DROSHA: variants seen among roughly 807,000 people sequenced by gnomAD.
DROSHA encodes drosha ribonuclease III.
In DROSHA, 56 loss-of-function variants were observed where a neutral mutation model predicts 181.9. The observed-to-expected ratio is 0.31, with a 90% CI of 0.25 to 0.38. DROSHA has a LOEUF of 0.38. DROSHA is among the 10% of genes least tolerant of loss of function. The pLI is 1.00. For missense variants in DROSHA, 1,218 were observed against 1,743.5 expected, an observed-to-expected ratio of 0.70 and a Z score of 5.37; for synonymous variants, 524 against 591.2, an observed-to-expected ratio of 0.89 and a Z score of 1.65.
In DROSHA at chr5:31,443,042, AT is replaced by A. The variant is rs558352739; in HGVS notation, c.2882+5504del. 0.014 allele frequency among the ~76,000 whole-genome samples: 2,023 copies of A among 142,792 alleles called. 90 individuals carry two copies. In the East Asian group the frequency reaches 0.2, roughly 14 times the overall value. 93.7% of individuals were successfully genotyped at this position (142,792 alleles called of 152,430 possible). A position where few individuals can be genotyped will look rare whatever the true frequency, so the allele number is the denominator to read the frequency against. On this transcript the variant is annotated intron_variant, in intron 23 of 35. Coordinates refer to ENST00000344624, the MANE Select transcript of DROSHA (RefSeq NM_001382508.1). ...ATATGTGTCTCTGTTGGTCCGATAG[AT>A]TTTTTTTTTTTTTTGAGACAGAGTC...
At chr5:31,467,886 G>A in intron 18 of DROSHA, 53 bp downstream of exon 18, 1 of 1,590,600 alleles carries the variant, frequency 6.3e-7, no homozygotes, top group Non-Finnish European at 8.6e-7. Flanking sequence ...CTGCTAATTT[G>A]GCTGTTAGTA....
chr5:31,521,046 G>C, intron 6 of DROSHA, 77 bp downstream of exon 6: 2 of 1,437,436 alleles, frequency 1.4e-6, no homozygotes, highest in South Asian at 1.2e-5. Flanking sequence ...AGACTTGGCT[G>C]TTGCTCCATA....
chr5:31,485,460 T>C (rs1229566853), intron 14 of DROSHA, among the ~76,000 whole-genome samples: 1 of 151,746 alleles, frequency 6.6e-6, no homozygotes. Context: ...TGCACCAAAA[T>C]TTCTCCTGTA....
At chr5:31,489,134 T>G (rs2150040441) in intron 13 of DROSHA, 1 of 152,292 alleles carries the variant, frequency 6.6e-6, no homozygotes, top group Middle Eastern at 3.4e-3. Context: ...CAGCTATTAA[T>G]ATTGATCTGG....
At chr5:31,473,627 G>GT (rs1750011398) in intron 16 of DROSHA, among the ~76,000 whole-genome samples, 1 of 152,204 alleles carries the variant, frequency 6.6e-6, no homozygotes, top group African/African-American at 2.4e-5. Flanking sequence ...TCAGGTTGAG[G>GT]TGAGTGCTAC....
intron 23 of DROSHA, among the ~76,000 whole-genome samples, chr5:31,441,649 A>G (rs183252161): frequency 5.7e-4 from 87 of 152,344 alleles, no homozygotes; most frequent in African/African-American, 2.0e-3. Flanking sequence ...CTTGGAGAAA[A>G]CATCAAGGAA....
chr5:31,410,625 T>G (rs1237558550), intron 31 of DROSHA, 121 bp downstream of exon 31: 20 of 1,398,242 alleles, frequency 1.4e-5, no homozygotes, highest in Non-Finnish European at 1.8e-5. Context: ...GCATAAAAAA[T>G]TAAAATAGCA....
intron 16 of DROSHA, among the ~76,000 whole-genome samples, chr5:31,478,529 T>A (rs530759929): frequency 2.0e-5 from 3 of 152,096 alleles, no homozygotes; most frequent in South Asian, 2.1e-4. Flanking sequence ...AGGTCAGGAG[T>A]TCGAGACCAG....
chr5:31,431,385 AAAAAG>A (rs374252157), intron 26 of DROSHA, among the ~76,000 whole-genome samples, 186 bp downstream of exon 26: 6 of 151,020 alleles, frequency 4.0e-5, no homozygotes, highest in African/African-American at 1.5e-4. Flanking sequence ...AAAAAAAAAA[AAAAAG>A]AGGCATGTTC....
chr5:31,408,375 T>G (rs1453314156), intron 33 of DROSHA, among the ~76,000 whole-genome samples: 1 of 152,220 alleles, frequency 6.6e-6, no homozygotes, highest in Non-Finnish European at 1.5e-5. Flanking sequence ...TCCTTTCATT[T>G]TGTAATTCCA....
At chr5:31,461,906 G>C (rs765353746) in intron 20 of DROSHA, among the ~76,000 whole-genome samples, 2 of 151,738 alleles carry the variant, frequency 1.3e-5, no homozygotes, top group East Asian at 1.9e-4. Flanking sequence ...ATTCACTGAT[G>C]GTGAAATAAT....
At chr5:31,481,933 G>C (rs1433720572) in intron 16 of DROSHA, among the ~76,000 whole-genome samples, 2 of 152,202 alleles carry the variant, frequency 1.3e-5, no homozygotes, top group Non-Finnish European at 2.9e-5. Flanking sequence ...CAGTGGGCTA[G>C]GGACAGTTAG....
intron 4 of DROSHA, among the ~76,000 whole-genome samples, chr5:31,527,941 T>G (rs1740793366): frequency 1.3e-5 from 2 of 152,116 alleles, no homozygotes; most frequent in South Asian, 4.2e-4. Context: ...AAACCAAAGG[T>G]CATTTTCAAT....
At chr5:31,415,552 C>T (rs576816224) in intron 30 of DROSHA, among the ~76,000 whole-genome samples, 2 of 152,304 alleles carry the variant, frequency 1.3e-5, no homozygotes, top group South Asian at 4.1e-4. Flanking sequence ...TGTGTGGAAG[C>T]ATCAGGGCAG....
chr5:31,517,539 T>C (rs1168314447), intron 6 of DROSHA, among the ~76,000 whole-genome samples: 2 of 152,332 alleles, frequency 1.3e-5, no homozygotes, highest in East Asian at 3.9e-4. Flanking sequence ...AAAAACATAT[T>C]CTTTATCACA....
Position 31,508,885 on chromosome 5 carries a change from C to T in DROSHA, c.1433-110G>A, listed in dbSNP as rs555412197. 8.6e-4 allele frequency: 1,074 copies of T among 1,244,264 alleles called. 4 individuals are homozygous for T. The highest frequency in any genetic ancestry group is 1.6e-3 in the Middle Eastern group (7 of 4,412). 77.1% of individuals were successfully genotyped at this position (1,244,264 alleles called of 1,614,324 possible). A position where few individuals can be genotyped will look rare whatever the true frequency, so the allele number is the denominator to read the frequency against. Reference sequence around the variant, plus strand: ...GTCACCCAGGCTGGAGTGCAGTGCGCGATCTCAGCTCACTGCAAACTCCAC... The same window carrying T: ...GTCACCCAGGCTGGAGTGCAGTGCGTGATCTCAGCTCACTGCAAACTCCAC... On this transcript the variant is annotated intron_variant, in intron 9 of 35. Coordinates refer to ENST00000344624, the MANE Select transcript of DROSHA (RefSeq NM_001382508.1).
At chr5:31,485,043 G>A in intron 14 of DROSHA, 81 bp from the exon 15 acceptor site, 1 of 965,690 alleles carries the variant, frequency 1.0e-6, no homozygotes, top group Non-Finnish European at 1.6e-6. Context: ...CTTGTCAAGT[G>A]TCTTTAAAAG....
chr5:31,502,207 GC>G (rs1180198980), intron 11 of DROSHA, among the ~76,000 whole-genome samples: 1 of 152,236 alleles, frequency 6.6e-6, no homozygotes, highest in African/African-American at 2.4e-5. Flanking sequence ...ACTGAGGACA[GC>G]CCATGTGAGA....
intron 6 of DROSHA, among the ~76,000 whole-genome samples, chr5:31,519,192 G>C (rs1447722686): frequency 6.6e-6 from 1 of 152,150 alleles, no homozygotes; most frequent in Admixed American, 6.5e-5. Flanking sequence ...AGGCATTAGA[G>C]AAGAAACCAT....
Sources: gnomAD v4.1 joint callset for allele counts (sites outside exome capture counted in the v4.1 genomes callset) on GRCh38, gnomAD v4.1.1 for gene constraint, MANE v1.5 for transcripts, NCBI Gene and HGNC (gene_info 2026-07-23, HGNC 2026-07-21) for gene names.